Variants in HS6ST3 observed in about 807,000 individuals in gnomAD.
HS6ST3 encodes heparan sulfate 6-O-sulfotransferase 3, also known as heparan-sulfate 6-O-sulfotransferase 3.
In HS6ST3, 12 loss-of-function variants were observed where a neutral mutation model predicts 36.7. The ratio of observed to expected loss-of-function variants is 0.33; its 90% CI spans 0.21 to 0.53. The LOEUF (loss-of-function observed/expected upper bound fraction) is 0.53. HS6ST3 is among the 20% of genes least tolerant of loss of function. The probability of loss-of-function intolerance (pLI) is 0.95; values close to 1 mark genes in which losing one functional copy is unlikely to be tolerated. For missense variants in HS6ST3, 584 were observed against 640.9 expected, an observed-to-expected ratio of 0.91 and a Z score of 0.96; for synonymous variants, 240 against 257.5, an observed-to-expected ratio of 0.93 and a Z score of 0.65.
At chr13:96,298,445 A>T (rs1275695664) in intron 1 of HS6ST3, among the ~76,000 whole-genome samples, 1 of 152,222 alleles carries the variant, frequency 6.6e-6, no homozygotes, top group Non-Finnish European at 1.5e-5. Flanking sequence ...TGCTGAAATA[A>T]ATAGTATAAA....
At chr13:96,789,141 C>A (rs1472349558) in intron 1 of HS6ST3, among the ~76,000 whole-genome samples, 4 of 151,398 alleles carry the variant, frequency 2.6e-5, no homozygotes, top group Non-Finnish European at 3.0e-5. Context: ...TTTGTTACTC[C>A]ATTTAAGTTT....
intron 1 of HS6ST3, among the ~76,000 whole-genome samples, chr13:96,123,691 C>G (rs2053937343): frequency 6.6e-6 from 1 of 152,140 alleles, no homozygotes; most frequent in Non-Finnish European, 1.5e-5. Flanking sequence ...GATATGAATT[C>G]TCTTCCCTTA....
intron 1 of HS6ST3, among the ~76,000 whole-genome samples, chr13:96,383,198 TC>T (rs1422542368): frequency 2.0e-5 from 3 of 152,036 alleles, no homozygotes; most frequent in African/African-American, 7.3e-5. Context: ...ACTCCTGTAA[TC>T]CCAGCACTTT....
intron 1 of HS6ST3, among the ~76,000 whole-genome samples, chr13:96,289,124 A>G (rs923824660): frequency 3.9e-5 from 6 of 152,092 alleles, no homozygotes; most frequent in African/African-American, 1.4e-4. Flanking sequence ...GAATGAAATT[A>G]TAAAAAATTA....
chr13:96,164,101 T>G (rs557569320), intron 1 of HS6ST3, among the ~76,000 whole-genome samples: 1 of 152,098 alleles, frequency 6.6e-6, no homozygotes, highest in Non-Finnish European at 1.5e-5. Context: ...AAGAGTCACT[T>G]TAAATGGGAT....
intron 1 of HS6ST3, among the ~76,000 whole-genome samples, chr13:96,096,116 G>T (rs1485154968): frequency 6.6e-6 from 1 of 151,894 alleles, no homozygotes; most frequent in African/African-American, 2.4e-5. Context: ...TGTCATATGA[G>T]AATTAATTGA....
intron 1 of HS6ST3, among the ~76,000 whole-genome samples, chr13:96,631,580 G>C (rs1213843360): frequency 2.0e-5 from 3 of 152,136 alleles, no homozygotes; most frequent in Non-Finnish European, 4.4e-5. Flanking sequence ...TTATCATTAA[G>C]GGCTGATTCT....
chr13:96,417,481 T>G (rs1490517331), intron 1 of HS6ST3, among the ~76,000 whole-genome samples: 3 of 152,010 alleles, frequency 2.0e-5, no homozygotes, highest in African/African-American at 4.8e-5. Context: ...CTAATTAATC[T>G]TTTACTTCTT....
chr13:96,372,432 T>A (rs2055294338), intron 1 of HS6ST3, among the ~76,000 whole-genome samples: 1 of 152,200 alleles, frequency 6.6e-6, no homozygotes, highest in Non-Finnish European at 1.5e-5. Flanking sequence ...CCTTGGGTTC[T>A]CTTTTTATTT....
rs530065140 is a variant in HS6ST3 at position 96,667,156 on chromosome 13, T to C, written c.708-165334T>C. ...CTAATGCAAAATTCTATAAATCATA[T>C]TGAATATGAATTAAAACTACATTTG... On this transcript the variant is annotated intron_variant, in intron 1 of 1. Coordinates refer to ENST00000376705, the MANE Select transcript of HS6ST3 (RefSeq NM_153456.4). Among the ~76,000 whole-genome samples, 3 of 152,322 alleles carry C rather than the reference T, an allele frequency of 2.0e-5. No individual in the cohort carries two copies. The South Asian group carries it at 6.2e-4, about 32-fold the overall frequency.
chr13:96,717,811 G>T (rs1009117004), intron 1 of HS6ST3, among the ~76,000 whole-genome samples: 3 of 152,138 alleles, frequency 2.0e-5, no homozygotes, highest in Non-Finnish European at 4.4e-5. Context: ...AGGGAATTCC[G>T]CACAAGGATC....
At chr13:96,465,338 G>T (rs986967972) in intron 1 of HS6ST3, among the ~76,000 whole-genome samples, 7 of 152,138 alleles carry the variant, frequency 4.6e-5, no homozygotes, top group Non-Finnish European at 1.0e-4. Context: ...CAACCCAAAT[G>T]TCCATTGATA....
At chr13:96,475,334 G>T (rs945049161) in intron 1 of HS6ST3, among the ~76,000 whole-genome samples, 3 of 152,046 alleles carry the variant, frequency 2.0e-5, no homozygotes, top group African/African-American at 7.2e-5. Context: ...ACACTAAACG[G>T]GGATGACAGG....
At chr13:96,112,617 A>G (rs1182181752) in intron 1 of HS6ST3, among the ~76,000 whole-genome samples, 3 of 121,882 alleles carry the variant, frequency 2.5e-5, no homozygotes, top group African/African-American at 8.9e-5. Context: ...ATATATATAT[A>G]TATATGCCCG....
chr13:96,683,320 C>T (rs1421397861), intron 1 of HS6ST3, among the ~76,000 whole-genome samples: 1 of 152,036 alleles, frequency 6.6e-6, no homozygotes, highest in Non-Finnish European at 1.5e-5. Context: ...ATGATATTCA[C>T]ATTTATCTGT....
chr13:96,396,076 G>A (rs1400645747), intron 1 of HS6ST3, among the ~76,000 whole-genome samples: 1 of 152,140 alleles, frequency 6.6e-6, no homozygotes, highest in Non-Finnish European at 1.5e-5. Flanking sequence ...CACTTTGGGA[G>A]GCAGAGGTGG....
chr13:96,173,915 G>A (rs1211657343), intron 1 of HS6ST3, among the ~76,000 whole-genome samples: 8 of 152,126 alleles, frequency 5.3e-5, no homozygotes, highest in Admixed American at 5.2e-4. Context: ...TGGACAGAAG[G>A]AGGCTGAGTT....
Position 96,579,474 on chromosome 13 carries a change from A to C in HS6ST3, c.708-253016A>C, listed in dbSNP as rs559051279. 2.3e-3 allele frequency among the ~76,000 whole-genome samples: 350 copies of C among 152,242 alleles called. 1 individual carries two copies. The highest frequency in any genetic ancestry group is 7.9e-3 in the African/African-American group (328 of 41,542). ...ATAAATCATAATGGACTAAAAAAAA[A>C]CTTTTTAGATCCTGTAGGACTGTGA... On this transcript the variant is annotated intron_variant, in intron 1 of 1. Transcript: ENST00000376705.
chr13:96,132,038 A>G (rs1009706314), intron 1 of HS6ST3, among the ~76,000 whole-genome samples: 2 of 151,844 alleles, frequency 1.3e-5, no homozygotes, highest in Non-Finnish European at 2.9e-5. Context: ...CTTATTTTAT[A>G]TAACATAATG....
Sources: allele counts gnomAD v4.1 joint callset (sites outside exome capture counted in the v4.1 genomes callset), GRCh38; gene constraint gnomAD v4.1.1; transcripts MANE v1.5; gene names NCBI Gene and HGNC (gene_info 2026-07-23, HGNC 2026-07-21).